MMP16: variants seen among roughly 807,000 people sequenced by gnomAD.
The protein encoded by MMP16 is matrix metalloproteinase-16.
In MMP16, 12 loss-of-function variants were observed where a neutral mutation model predicts 67.8. The observed-to-expected ratio is 0.18, with a 90% CI of 0.11 to 0.29. The LOEUF is 0.29. MMP16 is among the 10% of genes least tolerant of loss of function. The probability of loss-of-function intolerance (pLI) is 1.00; values close to 1 mark genes in which losing one functional copy is unlikely to be tolerated. For synonymous variants in MMP16, 249 were observed against 255.9 expected (o/e 0.97, Z 0.26); for missense variants, 475 against 765.7 (o/e 0.62, Z 4.48).
intron 3 of MMP16, among the ~76,000 whole-genome samples, chr8:88,183,061 G>T: frequency 6.6e-6 from 1 of 152,018 alleles, no homozygotes; most frequent in South Asian, 2.1e-4. Context: ...TTTGGAAGAG[G>T]AGAGAAGGGA....
At chr8:88,278,679 T>C (rs1465010853) in intron 1 of MMP16, among the ~76,000 whole-genome samples, 1 of 152,160 alleles carries the variant, frequency 6.6e-6, no homozygotes. Context: ...TTCACTACTT[T>C]CAAATGGAAT....
chr8:88,213,960 T>C (rs1809549846), intron 1 of MMP16, among the ~76,000 whole-genome samples: 1 of 152,188 alleles, frequency 6.6e-6, no homozygotes, highest in Admixed American at 6.6e-5. Flanking sequence ...ACTCATCTTC[T>C]CCTGAGGGTA....
chr8:88,110,259 AC>A (rs954387682), intron 6 of MMP16, among the ~76,000 whole-genome samples: 1 of 151,470 alleles, frequency 6.6e-6, no homozygotes, highest in Admixed American at 6.6e-5. Context: ...GCCTTTAATA[AC>A]TAAGAAGCCA....
At chr8:88,248,785 C>T (rs1008843425) in intron 1 of MMP16, among the ~76,000 whole-genome samples, 14 of 101,244 alleles carry the variant, frequency 1.4e-4, no homozygotes, top group African/African-American at 4.3e-4. Context: ...TTGTATTGGA[C>T]ATAGTAAAAA....
intron 1 of MMP16, among the ~76,000 whole-genome samples, chr8:88,280,366 A>G (rs1422718880): frequency 6.6e-6 from 1 of 152,220 alleles, no homozygotes; most frequent in Admixed American, 6.5e-5. Flanking sequence ...ACATCAAAAA[A>G]GGAAAGATTT....
At chr8:88,049,200 C>T (rs1808238622) in intron 8 of MMP16, among the ~76,000 whole-genome samples, 1 of 152,124 alleles carries the variant, frequency 6.6e-6, no homozygotes, top group South Asian at 2.1e-4. Context: ...AAGAATCGTG[C>T]CTGGACTGCA....
At chr8:88,208,777 G>A (rs527902568) in intron 1 of MMP16, among the ~76,000 whole-genome samples, 27 of 139,200 alleles carry the variant, frequency 1.9e-4, no homozygotes, top group African/African-American at 7.1e-4. Context: ...GATTTATGAT[G>A]CAGCCAATCA....
At chr8:88,186,627 GC>G in intron 2 of MMP16, 29 bp from the exon 3 acceptor site, 2 of 1,090,692 alleles carry the variant, frequency 1.8e-6, no homozygotes, top group South Asian at 1.7e-5. Context: ...AAAAAAAAAA[GC>G]AGTATTTTCC....
At chr8:88,254,979 G>A (rs1298147941) in intron 1 of MMP16, among the ~76,000 whole-genome samples, 2 of 152,156 alleles carry the variant, frequency 1.3e-5, no homozygotes, top group East Asian at 1.9e-4. Flanking sequence ...CAACTTTCCT[G>A]TTAATCTAAA....
At chr8:88,309,591 C>T (rs917932165) in intron 1 of MMP16, among the ~76,000 whole-genome samples, 3 of 151,960 alleles carry the variant, frequency 2.0e-5, no homozygotes, top group African/African-American at 7.2e-5. Flanking sequence ...TTCGTTACTC[C>T]TAATATGATC....
intron 9 of MMP16, among the ~76,000 whole-genome samples, chr8:88,043,366 C>T (rs1808156878): frequency 6.6e-6 from 1 of 152,112 alleles, no homozygotes; most frequent in African/African-American, 2.4e-5. Flanking sequence ...TCACAGCAAC[C>T]TCCGCCTCCT....
intron 1 of MMP16, among the ~76,000 whole-genome samples, chr8:88,268,711 G>C (rs1380340136): frequency 1.3e-5 from 2 of 152,184 alleles, no homozygotes; most frequent in Non-Finnish European, 2.9e-5. Context: ...CAAAGGTTTT[G>C]ATTTTCCTCC....
At chr8:88,094,015 T>C (rs1319435112) in intron 6 of MMP16, among the ~76,000 whole-genome samples, 2 of 151,890 alleles carry the variant, frequency 1.3e-5, no homozygotes, top group African/African-American at 4.8e-5. Context: ...ATTTATTTAG[T>C]ATAAGGCGGG....
At chr8:88,088,399 T>C (rs1432373479) in intron 6 of MMP16, among the ~76,000 whole-genome samples, 2 of 151,926 alleles carry the variant, frequency 1.3e-5, no homozygotes, top group African/African-American at 4.8e-5. Context: ...AGACTTTTTT[T>C]CTTTCAAAGG....
chr8:88,075,191 G>T (rs1808627274), intron 6 of MMP16, among the ~76,000 whole-genome samples: 1 of 152,058 alleles, frequency 6.6e-6, no homozygotes, highest in South Asian at 2.1e-4. Context: ...CCCCTGTTAT[G>T]CCTATTGTCT....
intron 1 of MMP16, among the ~76,000 whole-genome samples, chr8:88,295,034 A>G (rs1208915483): frequency 6.6e-6 from 1 of 152,192 alleles, no homozygotes; most frequent in South Asian, 2.1e-4. Context: ...TTTCAATATT[A>G]GCAATGAAAT....
intron 1 of MMP16, among the ~76,000 whole-genome samples, chr8:88,208,105 G>T (rs1423789985): frequency 6.6e-6 from 1 of 152,194 alleles, no homozygotes; most frequent in Admixed American, 6.5e-5. Context: ...ATAGTTGCCT[G>T]TATATAGTTT....
At chr8:88,180,295 T>G (rs1384772007) in intron 3 of MMP16, among the ~76,000 whole-genome samples, 2 of 146,902 alleles carry the variant, frequency 1.4e-5, no homozygotes, top group African/African-American at 2.5e-5. Flanking sequence ...AAAAAAAAAG[T>G]CAATACTAAA....
At chr8:88,103,522 A>G (rs1274905211) in intron 6 of MMP16, among the ~76,000 whole-genome samples, 1 of 151,834 alleles carries the variant, frequency 6.6e-6, no homozygotes, top group Non-Finnish European at 1.5e-5. Context: ...AGGTCAATAT[A>G]GTGCTTTGCA....
Sources: gnomAD v4.1 joint callset for allele counts (sites outside exome capture counted in the v4.1 genomes callset) on GRCh38, gnomAD v4.1.1 for gene constraint, MANE v1.5 for transcripts, NCBI Gene and HGNC (gene_info 2026-07-23, HGNC 2026-07-21) for gene names.